The following ARHGAP5 variants were observed in gnomAD, a reference collection of about 807,000 sequenced individuals.
The protein encoded by ARHGAP5 is Rho GTPase activating protein 5.
ARHGAP5 carries 23 observed loss-of-function variants against 116.6 expected under a neutral mutation model. That is an observed-to-expected ratio of 0.20 (90% CI 0.14 to 0.28). The LOEUF (loss-of-function observed/expected upper bound fraction) is 0.28. ARHGAP5 is among the 10% of genes least tolerant of loss of function. The pLI, the probability that ARHGAP5 is intolerant of heterozygous loss-of-function variation, is 1.00. For missense variants in ARHGAP5, 1,405 were observed against 1,774.8 expected, an observed-to-expected ratio of 0.79 and a Z score of 3.74; for synonymous variants, 574 against 602.0, an observed-to-expected ratio of 0.95 and a Z score of 0.68.
intron 3 of ARHGAP5, among the ~76,000 whole-genome samples, chr14:32,142,759 G>A (rs1198980959): frequency 1.3e-5 from 2 of 152,184 alleles, no homozygotes; most frequent in Non-Finnish European, 2.9e-5. Flanking sequence ...GGGATGGGAG[G>A]TAATTTAAAG....
At chr14:32,122,065 G>T (rs1247642660) in intron 3 of ARHGAP5, among the ~76,000 whole-genome samples, 1 of 152,144 alleles carries the variant, frequency 6.6e-6, no homozygotes, top group East Asian at 1.9e-4. Flanking sequence ...CTTAAGAGTG[G>T]AATTGTTGGA....
intron 1 of ARHGAP5, among the ~76,000 whole-genome samples, chr14:32,086,280 G>A (rs999726391): frequency 6.6e-6 from 1 of 152,000 alleles, no homozygotes; most frequent in Admixed American, 6.6e-5. Flanking sequence ...AGAGAGGGTT[G>A]GAGAAGATCT....
chr14:32,147,089 T>TA (rs942683969), intron 4 of ARHGAP5, among the ~76,000 whole-genome samples: 5 of 151,878 alleles, frequency 3.3e-5, no homozygotes, highest in Admixed American at 6.6e-5. Context: ...CCATTAGGAG[T>TA]AAAAAAAGCC....
intron 3 of ARHGAP5, among the ~76,000 whole-genome samples, chr14:32,118,875 A>G (rs1390618070): frequency 1.3e-5 from 2 of 152,174 alleles, no homozygotes; most frequent in Non-Finnish European, 1.5e-5. Flanking sequence ...TACATTTATT[A>G]TTTAAAATTT....
intron 2 of ARHGAP5, among the ~76,000 whole-genome samples, chr14:32,099,046 A>G (rs565859098): frequency 1.3e-5 from 2 of 152,132 alleles, no homozygotes; most frequent in South Asian, 2.1e-4. Context: ...TGGGAGGGAG[A>G]GTGTTGGCGA....
chr14:32,142,065 T>G (rs191479832), intron 3 of ARHGAP5, among the ~76,000 whole-genome samples: 9 of 152,294 alleles, frequency 5.9e-5, no homozygotes, highest in African/African-American at 2.2e-4. Context: ...TCATTTATTG[T>G]ACTTTTCAAT....
chr14:32,143,380 C>T (rs1881229186), intron 3 of ARHGAP5, among the ~76,000 whole-genome samples: 1 of 151,966 alleles, frequency 6.6e-6, no homozygotes, highest in Non-Finnish European at 1.5e-5. Flanking sequence ...GTAGCTGGGA[C>T]TACAGGTGCC....
At chr14:32,105,536 G>C (rs561372100) in intron 2 of ARHGAP5, among the ~76,000 whole-genome samples, 1 of 151,636 alleles carries the variant, frequency 6.6e-6, no homozygotes, top group Non-Finnish European at 1.5e-5. Context: ...TCCCACAATG[G>C]TAATATCCTG....
chr14:32,112,471 C>A (rs545636581), intron 2 of ARHGAP5, among the ~76,000 whole-genome samples: 1 of 152,134 alleles, frequency 6.6e-6, no homozygotes, highest in African/African-American at 2.4e-5. Flanking sequence ...GTTTGTTTTA[C>A]TGTGATGTGC....
intron 1 of ARHGAP5, among the ~76,000 whole-genome samples, chr14:32,089,029 C>T (rs547509842): frequency 6.6e-6 from 1 of 151,860 alleles, no homozygotes; most frequent in East Asian, 1.9e-4. Flanking sequence ...ATATTTATTA[C>T]AAAAGTGAAC....
chr14:32,088,711 C>T (rs1302046799), intron 1 of ARHGAP5, among the ~76,000 whole-genome samples: 1 of 152,000 alleles, frequency 6.6e-6, no homozygotes, highest in Non-Finnish European at 1.5e-5. Context: ...GTATACACTG[C>T]TGCCACATAA....
intron 2 of ARHGAP5, 55 bp downstream of exon 2, chr14:32,094,441 T>A (rs1878426760): frequency 2.3e-6 from 3 of 1,293,064 alleles, no homozygotes; most frequent in South Asian, 3.0e-5. Flanking sequence ...GTTACTTTTT[T>A]AAAATACTGA....
intron 3 of ARHGAP5, among the ~76,000 whole-genome samples, chr14:32,123,442 A>T (rs1429824357): frequency 6.6e-6 from 1 of 151,544 alleles, no homozygotes; most frequent in Non-Finnish European, 1.5e-5. Flanking sequence ...CATTATATTG[A>T]TGTTTTCCTG....
At chr14:32,123,546 CTGT>C (rs1879996024) in intron 3 of ARHGAP5, among the ~76,000 whole-genome samples, 1 of 151,480 alleles carries the variant, frequency 6.6e-6, no homozygotes. Flanking sequence ...GGGCCTCTTT[CTGT>C]TGTTTTTGTT....
intron 1 of ARHGAP5, among the ~76,000 whole-genome samples, chr14:32,085,477 A>C (rs532927019): frequency 2.0e-5 from 3 of 152,156 alleles, no homozygotes; most frequent in Non-Finnish European, 4.4e-5. Flanking sequence ...CAGTAAAGTA[A>C]TGCATCAGTA....
intron 1 of ARHGAP5, among the ~76,000 whole-genome samples, chr14:32,079,343 G>A (rs988217010): frequency 6.6e-6 from 1 of 152,124 alleles, no homozygotes; most frequent in African/African-American, 2.4e-5. Context: ...AAGAATTGCG[G>A]CAGAATTCTG....
rs1382450894 is a variant in ARHGAP5, at chr14:32,093,200, A to G, written c.2531A>G (p.Lys844Arg). 6 of 1,614,072 alleles carry G rather than the reference A, an allele frequency of 3.7e-6. No individual in the cohort carries two copies. The highest frequency in any genetic ancestry group is 5.1e-6 in the Non-Finnish European group (6 of 1,179,942). Residue 844 changes from lysine (K) to arginine (R), a missense_variant, in exon 2 of 7, where the codon AAA (lysine) becomes AGA (arginine). Physicochemically the swap from Lys to Arg is conservative, Grantham distance 26. This residue lies in a region of ARHGAP5 where 944 missense variants were observed against 1,095.3 expected (regional missense o/e 0.86). Transcript: ENST00000345122. Reference protein sequence around the residue: ...LSYHSSIGVRKDELVHGYILV... With the variant: ...LSYHSSIGVRRDELVHGYILV... ...TACCACTCTTCAATTGGAGTAAGAA[A>G]AGATGAACTAGTTCATGGGTATATA... is the stretch of plus-strand genomic sequence containing the variant.
chr14:32,109,801 T>C (rs1879196731), intron 2 of ARHGAP5, among the ~76,000 whole-genome samples: 1 of 152,220 alleles, frequency 6.6e-6, no homozygotes, highest in Non-Finnish European at 1.5e-5. Context: ...ACATACTGGC[T>C]AAGAATTCTT....
At chr14:32,121,032 T>TC (rs1408560974) in intron 3 of ARHGAP5, among the ~76,000 whole-genome samples, 1 of 149,290 alleles carries the variant, frequency 6.7e-6, no homozygotes, top group East Asian at 2.0e-4. Flanking sequence ...TTTTTTTTTT[T>TC]TGGAGACAGG....
Sources: gnomAD v4.1 joint callset for allele counts (sites outside exome capture counted in the v4.1 genomes callset) on GRCh38, gnomAD v4.1.1 for gene constraint, gnomAD v4.1.1 regional missense constraint, MANE v1.5 for transcripts, NCBI Gene and HGNC (gene_info 2026-07-23, HGNC 2026-07-21) for gene names.